PSMD14: variants seen among roughly 807,000 people sequenced by gnomAD.
The protein encoded by PSMD14 is proteasome 26S subunit, non-ATPase 14.
PSMD14 carries 7 observed loss-of-function variants against 41.2 expected under a neutral mutation model. The ratio of observed to expected loss-of-function variants is 0.17; its 90% CI spans 0.10 to 0.32. The LOEUF (loss-of-function observed/expected upper bound fraction) is 0.32. PSMD14 is among the 10% of genes least tolerant of loss of function. The pLI is 1.00. For synonymous variants in PSMD14, 114 were observed against 122.3 expected (o/e 0.93, Z 0.45); for missense variants, 139 against 375.6 (o/e 0.37, Z 5.21).
intron 3 of PSMD14, among the ~76,000 whole-genome samples, chr2:161,327,901 A>G (rs576620482): frequency 6.7e-6 from 1 of 149,750 alleles, no homozygotes; most frequent in South Asian, 2.1e-4. Flanking sequence ...AACCTGTGGA[A>G]TTAAGTGTTA....
At chr2:161,369,091 T>C (rs912052513) in intron 5 of PSMD14, among the ~76,000 whole-genome samples, 4 of 151,958 alleles carry the variant, frequency 2.6e-5, no homozygotes, top group African/African-American at 9.7e-5. Context: ...TGTCTTTTTA[T>C]ATTAGGCTAC....
At chr2:161,327,090 T>C (rs1574116473) in intron 3 of PSMD14, among the ~76,000 whole-genome samples, 1 of 152,144 alleles carries the variant, frequency 6.6e-6, no homozygotes, top group East Asian at 1.9e-4. Context: ...TAAAAGATAT[T>C]TTGCTAAGTA....
intron 8 of PSMD14, among the ~76,000 whole-genome samples, chr2:161,388,846 G>A (rs1683668334): frequency 6.6e-6 from 1 of 152,116 alleles, no homozygotes; most frequent in African/African-American, 2.4e-5. Context: ...ACAGCAGTGA[G>A]TGCATAGAGG....
In PSMD14 at chr2:161,363,260, A is replaced by G. The variant is rs920102668; in HGVS notation, c.49-4218A>G. Among the ~76,000 whole-genome samples the G allele has an allele frequency of 3.3e-5, 5 of 152,226 alleles. No individual in the cohort carries two copies. In the East Asian group the frequency reaches 7.7e-4, roughly 23 times the overall value. On this transcript the variant is annotated intron_variant, in intron 3 of 11. Coordinates refer to ENST00000409682, the MANE Select transcript of PSMD14 (RefSeq NM_005805.6). Reference sequence around the variant, plus strand: ...CCCAAAACTCGAAAAATGGTCTTCCATGAAACTGGTCCCTGGCACCAAAGA... The same window carrying G: ...CCCAAAACTCGAAAAATGGTCTTCCGTGAAACTGGTCCCTGGCACCAAAGA...
At chr2:161,399,608 A>T (rs1574142384) in intron 10 of PSMD14, among the ~76,000 whole-genome samples, 2 of 152,126 alleles carry the variant, frequency 1.3e-5, no homozygotes, top group African/African-American at 4.8e-5. Context: ...ATATTTTTTT[A>T]AAATAAGTTG....
intron 3 of PSMD14, among the ~76,000 whole-genome samples, chr2:161,320,064 CT>C (rs1689186512): frequency 6.6e-6 from 1 of 152,074 alleles, no homozygotes; most frequent in Non-Finnish European, 1.5e-5. Context: ...TGTTTCCATT[CT>C]TTTGTAAACA....
At chr2:161,368,852 T>TA (rs144262443) in intron 5 of PSMD14, among the ~76,000 whole-genome samples, 10,007 of 151,942 alleles carry the variant, frequency 0.066, 448 homozygotes, top group East Asian at 0.15. Flanking sequence ...GTATGTATAT[T>TA]AAAAATAAGC....
intron 3 of PSMD14, among the ~76,000 whole-genome samples, chr2:161,350,547 A>G (rs1683103837): frequency 6.6e-6 from 1 of 152,246 alleles, no homozygotes; most frequent in African/African-American, 2.4e-5. Flanking sequence ...ACAGACAGAT[A>G]AAATGTTATT....
intron 1 of PSMD14, among the ~76,000 whole-genome samples, chr2:161,309,600 A>G (rs1689065955): frequency 6.6e-6 from 1 of 152,238 alleles, no homozygotes; most frequent in African/African-American, 2.4e-5. Context: ...CCTGTCACGT[A>G]AGGCTACCTA....
At chr2:161,359,497 A>G (rs887892382) in intron 3 of PSMD14, among the ~76,000 whole-genome samples, 4 of 151,952 alleles carry the variant, frequency 2.6e-5, no homozygotes, top group African/African-American at 9.7e-5. Context: ...TTTAAGGCAA[A>G]GATTTTTTTT....
intron 3 of PSMD14, among the ~76,000 whole-genome samples, chr2:161,365,256 G>T (rs1683343250): frequency 6.6e-6 from 1 of 152,206 alleles, no homozygotes; most frequent in Non-Finnish European, 1.5e-5. Flanking sequence ...CCACTGACAT[G>T]TGGCTTGCTT....
At chr2:161,338,290 A>G (rs1019407822) in intron 3 of PSMD14, among the ~76,000 whole-genome samples, 3 of 151,758 alleles carry the variant, frequency 2.0e-5, no homozygotes, top group Non-Finnish European at 4.4e-5. Flanking sequence ...GTGCGTGAGC[A>G]TGTATTCACA....
chr2:161,371,293 G>A lies in PSMD14; in HGVS notation c.433G>A (p.Val145Met). ...ALSERAVAVV[V>M]DPIQSVKGKV... Reference sequence around the variant, plus strand: ...GTCGGAGAGAGCTGTGGCAGTGGTTGTGGATCCCATTCAGAGTGTAAAAGG... The same window carrying A: ...GTCGGAGAGAGCTGTGGCAGTGGTTATGGATCCCATTCAGAGTGTAAAAGG... The change falls in exon 7 of 12, where the codon GTG (valine) becomes ATG (methionine). Residue 145 changes from valine to methionine, a missense_variant. Transcript: ENST00000409682. 2 of 1,611,166 alleles carry A rather than the reference G, an allele frequency of 1.2e-6. No individual in the cohort carries two copies. Among genetic ancestry groups the A allele is most frequent in the Admixed American group, 1.7e-5 (1 of 59,630 alleles).
intron 1 of PSMD14, among the ~76,000 whole-genome samples, chr2:161,312,145 A>ATT (rs112312143): frequency 1.9e-4 from 27 of 142,502 alleles, no homozygotes; most frequent in Admixed American, 2.8e-4. Context: ...CTGAAAAGTA[A>ATT]TTTTTTTTTT....
intron 3 of PSMD14, among the ~76,000 whole-genome samples, chr2:161,336,663 C>T (rs1310563539): frequency 6.6e-6 from 1 of 152,124 alleles, no homozygotes; most frequent in Non-Finnish European, 1.5e-5. Flanking sequence ...GCAACCTCTG[C>T]CTCCTAGGTT....
At chr2:161,311,116 C>A (rs1689082227) in intron 1 of PSMD14, among the ~76,000 whole-genome samples, 1 of 152,302 alleles carries the variant, frequency 6.6e-6, no homozygotes, top group African/African-American at 2.4e-5. Flanking sequence ...GTCTGGCCAA[C>A]ATGGCGAAAC....
At chr2:161,364,480 A>G (rs550620315) in intron 3 of PSMD14, among the ~76,000 whole-genome samples, 2 of 152,218 alleles carry the variant, frequency 1.3e-5, no homozygotes, top group South Asian at 2.1e-4. Context: ...TGCCTTAGCC[A>G]GGGGCCACAC....
intron 2 of PSMD14, among the ~76,000 whole-genome samples, chr2:161,318,045 T>A (rs1689164219): frequency 6.6e-6 from 1 of 152,206 alleles, no homozygotes; most frequent in African/African-American, 2.4e-5. Flanking sequence ...AAGAGTATCT[T>A]CTGTAGTTAC....
intron 9 of PSMD14, among the ~76,000 whole-genome samples, chr2:161,394,466 T>TG (rs1683763758): frequency 6.6e-6 from 1 of 152,146 alleles, no homozygotes; most frequent in South Asian, 2.1e-4. Context: ...ACTCAATAAA[T>TG]GGGGCATTTA....
Sources: gnomAD v4.1 joint callset for allele counts (sites outside exome capture counted in the v4.1 genomes callset) on GRCh38, gnomAD v4.1.1 for gene constraint, MANE v1.5 for transcripts, NCBI Gene and HGNC (gene_info 2026-07-23, HGNC 2026-07-21) for gene names.